PPFIA2: variants seen among roughly 807,000 people sequenced by gnomAD.
PPFIA2 encodes PPFI scaffold protein A2.
A neutral mutation model predicts 175.5 loss-of-function variants in PPFIA2; 46 were observed. That is an observed-to-expected ratio of 0.26 (90% CI 0.21 to 0.34). The LOEUF (loss-of-function observed/expected upper bound fraction) is 0.34, where lower values mean the gene tolerates loss of function less well. Among genes scored for constraint, PPFIA2 ranks in the 10% least tolerant of loss-of-function variants. The pLI is 1.00. For synonymous variants in PPFIA2, 568 were observed against 511.4 expected, an observed-to-expected ratio of 1.11 and a Z score of -1.49; for missense variants, 1,179 against 1,506.1, an observed-to-expected ratio of 0.78 and a Z score of 3.60.
intron 3 of PPFIA2, among the ~76,000 whole-genome samples, chr12:81,680,908 T>C (rs1334992726): frequency 1.3e-5 from 2 of 151,986 alleles, no homozygotes; most frequent in Non-Finnish European, 1.5e-5. Context: ...ATACAACTGC[T>C]GACCTGCACT....
chr12:81,311,743 A>AC (rs889639264), intron 22 of PPFIA2, among the ~76,000 whole-genome samples: 2 of 147,680 alleles, frequency 1.4e-5, no homozygotes, highest in African/African-American at 5.1e-5. Context: ...AAAAAAAAAA[A>AC]AAAAAAAAAG....
At chr12:81,286,393 T>A (rs2043419889) in intron 24 of PPFIA2, among the ~76,000 whole-genome samples, 1 of 152,176 alleles carries the variant, frequency 6.6e-6, no homozygotes, top group East Asian at 1.9e-4. Flanking sequence ...CCTATTCACG[T>A]GTACCATTTT....
At position 81,726,766 on chromosome 12, in the gene PPFIA2, T is replaced by A. The variant is rs571292090; in HGVS notation, c.249+27207A>T. On this transcript the variant is annotated intron_variant, in intron 3 of 32. Transcript: ENST00000549396. Reference sequence around the variant, plus strand: ...CTGCCTCTTATTGTGTGAACTGTAGTATCTGCATCTGGGGTAAGTGAGCTT... The same window carrying A: ...CTGCCTCTTATTGTGTGAACTGTAGAATCTGCATCTGGGGTAAGTGAGCTT... Among the ~76,000 whole-genome samples, 7 of 151,482 alleles carry A rather than the reference T, an allele frequency of 4.6e-5. No individual in the cohort carries two copies. The South Asian group carries it at 1.4e-3, about 31-fold the overall frequency.
At chr12:81,627,145 G>C (rs1205801765) in intron 4 of PPFIA2, among the ~76,000 whole-genome samples, 1 of 151,976 alleles carries the variant, frequency 6.6e-6, no homozygotes, top group African/African-American at 2.4e-5. Context: ...GGGACAAAAA[G>C]GGGCTGATAA....
At chr12:81,376,709 T>C (rs750044232) in intron 9 of PPFIA2, among the ~76,000 whole-genome samples, 21 of 152,160 alleles carry the variant, frequency 1.4e-4, no homozygotes, top group Non-Finnish European at 2.6e-4. Flanking sequence ...ATTGACAAGA[T>C]GTTGGGTGAA....
intron 14 of PPFIA2, among the ~76,000 whole-genome samples, chr12:81,366,406 C>CCAAG (rs1387556460): frequency 6.6e-6 from 1 of 151,650 alleles, no homozygotes; most frequent in African/African-American, 2.4e-5. Flanking sequence ...CCTCACCCCA[C>CCAAG]CAAGCACCTG....
intron 8 of PPFIA2, among the ~76,000 whole-genome samples, chr12:81,402,821 T>C (rs2042302324): frequency 6.6e-6 from 1 of 152,186 alleles, no homozygotes; most frequent in Non-Finnish European, 1.5e-5. Flanking sequence ...GCCACTGCAC[T>C]ACAGCCTGGA....
intron 3 of PPFIA2, among the ~76,000 whole-genome samples, chr12:81,743,774 T>C (rs1022387297): frequency 2.0e-5 from 3 of 148,542 alleles, no homozygotes; most frequent in African/African-American, 7.6e-5. Context: ...CAAATACATG[T>C]GACAGCCAGC....
intron 23 of PPFIA2, among the ~76,000 whole-genome samples, chr12:81,297,576 A>T (rs902169662): frequency 1.3e-5 from 2 of 152,236 alleles, no homozygotes; most frequent in African/African-American, 4.8e-5. Context: ...TATATATGAC[A>T]GAAGATAGTA....
At chr12:81,502,279 C>A (rs1431127531) in intron 4 of PPFIA2, among the ~76,000 whole-genome samples, 1 of 152,116 alleles carries the variant, frequency 6.6e-6, no homozygotes, top group Non-Finnish European at 1.5e-5. Context: ...TATGGAACTG[C>A]AAACTTGCCA....
At chr12:81,430,276 GA>G (rs1262582644) in intron 7 of PPFIA2, 1 of 151,926 alleles carries the variant, frequency 6.6e-6, no homozygotes, top group Non-Finnish European at 1.5e-5. Flanking sequence ...ATACTGTCTG[GA>G]ATCATTCAGC....
Position 81,270,163 on chromosome 12 carries a change from G to T in PPFIA2, c.3311-2076C>A, listed in dbSNP as rs539549817. ...ATGTTGCAGTAGAATAAATAACAAG[G>T]AATAGAATTGTTATGTGTTTACTTG... On this transcript the variant is annotated intron_variant, in intron 28 of 32. Transcript: ENST00000549396. 3.0e-4 allele frequency among the ~76,000 whole-genome samples: 45 copies of T among 152,304 alleles called. 1 individual carries two copies. In the South Asian group the frequency reaches 9.1e-3, roughly 31 times the overall value.
intron 4 of PPFIA2, among the ~76,000 whole-genome samples, chr12:81,610,657 G>C (rs1595586831): frequency 6.6e-6 from 1 of 151,970 alleles, no homozygotes; most frequent in East Asian, 1.9e-4. Flanking sequence ...GGATTTTTTG[G>C]ATGGGTTTAC....
intron 7 of PPFIA2, among the ~76,000 whole-genome samples, chr12:81,421,753 G>T (rs1297246441): frequency 4.6e-5 from 7 of 151,774 alleles, no homozygotes; most frequent in Non-Finnish European, 1.0e-4. Context: ...TGGCTGAATG[G>T]ATTTAAAGGA....
chr12:81,682,759 T>G (rs1270182257), intron 3 of PPFIA2, among the ~76,000 whole-genome samples: 2 of 152,058 alleles, frequency 1.3e-5, no homozygotes, highest in Non-Finnish European at 2.9e-5. Flanking sequence ...TACTTTCTGT[T>G]GACATGCCCT....
chr12:81,424,856 GT>G (rs2046872730), intron 7 of PPFIA2: 1 of 152,138 alleles, frequency 6.6e-6, no homozygotes, highest in South Asian at 2.1e-4. Flanking sequence ...CAGCCCACTT[GT>G]TCTGGATACA....
At chr12:81,725,752 T>C (rs1215072553) in intron 3 of PPFIA2, among the ~76,000 whole-genome samples, 1 of 150,732 alleles carries the variant, frequency 6.6e-6, no homozygotes, top group East Asian at 2.0e-4. Context: ...ACCCTTTGAA[T>C]AATCTAATCA....
chr12:81,711,368 C>A (rs1349290265), intron 3 of PPFIA2, among the ~76,000 whole-genome samples: 1 of 151,368 alleles, frequency 6.6e-6, no homozygotes, highest in East Asian at 2.0e-4. Flanking sequence ...ACACACACAT[C>A]CACCGTTTAA....
intron 4 of PPFIA2, among the ~76,000 whole-genome samples, chr12:81,614,907 T>C (rs2061299443): frequency 6.6e-6 from 1 of 152,156 alleles, no homozygotes; most frequent in African/African-American, 2.4e-5. Flanking sequence ...TTGTCTAATA[T>C]CACGTAACTA....
Sources: gnomAD v4.1 joint callset for allele counts (sites outside exome capture counted in the v4.1 genomes callset) on GRCh38, gnomAD v4.1.1 for gene constraint, MANE v1.5 for transcripts, NCBI Gene and HGNC (gene_info 2026-07-23, HGNC 2026-07-21) for gene names.